Variants in TMEM132D observed in about 807,000 individuals in gnomAD.
The protein encoded by TMEM132D is mature OL transmembrane protein.
TMEM132D carries 21 observed loss-of-function variants against 62.3 expected under a neutral mutation model. The observed-to-expected ratio is 0.34, with a 90% confidence interval of 0.24 to 0.49. The LOEUF (loss-of-function observed/expected upper bound fraction) is 0.49. Ranked by LOEUF, TMEM132D falls within the 20% of genes least tolerant of loss-of-function variation. The pLI, the probability that TMEM132D is intolerant of heterozygous loss-of-function variation, is 0.99. For missense variants in TMEM132D, 1,346 were observed against 1,402.8 expected (o/e 0.96, Z 0.65); for synonymous variants, 621 against 575.6 (o/e 1.08, Z -1.13).
rs180826092 is a variant in TMEM132D, at chr12:129,235,930, C to T, written c.1300-26267G>A. ...GGGACTGCATTGAATCTGTAGATCACTTTGGGTAGTGTGGACATTTTAACA... is the reference window on the plus strand; with the variant it reads ...GGGACTGCATTGAATCTGTAGATCATTTTGGGTAGTGTGGACATTTTAACA... On this transcript the variant is annotated intron_variant, in intron 4 of 8. Coordinates refer to ENST00000422113, the MANE Select transcript of TMEM132D (RefSeq NM_133448.3). Among the ~76,000 whole-genome samples, 103 of 152,182 alleles carry T rather than the reference C, an allele frequency of 6.8e-4. 1 individual carries two copies. The highest frequency in any genetic ancestry group is 6.7e-3 in the Admixed American group (103 of 15,272).
In TMEM132D at chr12:129,702,568, C is replaced by T. The variant is rs560196021; in HGVS notation, c.80-1870G>A. Among the ~76,000 whole-genome samples the T allele has an allele frequency of 1.4e-4, 22 of 152,286 alleles. No individual in the cohort carries two copies. The South Asian group carries it at 4.4e-3, about 30-fold the overall frequency. ...TGGCTGCATTATCAAAGTCACCTTG[C>T]TGGGATCCTTTCCTTGACTGTATGA... On this transcript the variant is annotated intron_variant, in intron 1 of 8. Transcript: ENST00000422113.
chr12:129,088,347 G>GA (rs1196863272), intron 5 of TMEM132D, among the ~76,000 whole-genome samples: 2 of 48,064 alleles, frequency 4.2e-5, no homozygotes, highest in Non-Finnish European at 3.5e-5. Flanking sequence ...CTATGACCGG[G>GA]TGTCCTCCAT....
chr12:129,682,059 C>T (rs1000881921), intron 2 of TMEM132D, among the ~76,000 whole-genome samples: 1 of 152,210 alleles, frequency 6.6e-6, no homozygotes, highest in African/African-American at 2.4e-5. Flanking sequence ...AAGAAAATGC[C>T]TCCTAAGCAG....
chr12:129,706,867 C>T (rs1003047203), intron 1 of TMEM132D, among the ~76,000 whole-genome samples: 2 of 151,714 alleles, frequency 1.3e-5, no homozygotes, highest in African/African-American at 4.8e-5. Flanking sequence ...TCAAAATAAA[C>T]CTTTCCATTA....
intron 4 of TMEM132D, among the ~76,000 whole-genome samples, chr12:129,241,921 C>A (rs188740442): frequency 1.3e-5 from 2 of 152,228 alleles, no homozygotes; most frequent in Admixed American, 1.3e-4. Context: ...GAAAGGGAGA[C>A]AAAATGTATT....
intron 1 of TMEM132D, among the ~76,000 whole-genome samples, chr12:129,745,728 C>G (rs1278424132): frequency 2.0e-5 from 3 of 152,200 alleles, no homozygotes; most frequent in Non-Finnish European, 4.4e-5. Flanking sequence ...CTGGAGGTAA[C>G]TCTGGAACAG....
At chr12:129,667,540 G>A (rs544208705) in intron 2 of TMEM132D, among the ~76,000 whole-genome samples, 7 of 152,150 alleles carry the variant, frequency 4.6e-5, no homozygotes, top group East Asian at 3.9e-4. Context: ...AATGACTTAC[G>A]ATGACCAGGG....
intron 3 of TMEM132D, among the ~76,000 whole-genome samples, chr12:129,345,388 C>A (rs1248980834): frequency 6.6e-6 from 1 of 152,090 alleles, no homozygotes; most frequent in Non-Finnish European, 1.5e-5. Context: ...TCATGGGAAC[C>A]ACAGCATCGA....
intron 3 of TMEM132D, among the ~76,000 whole-genome samples, chr12:129,410,453 G>A (rs999566989): frequency 2.6e-5 from 4 of 152,116 alleles, no homozygotes; most frequent in African/African-American, 9.7e-5. Context: ...TTTGCCACCC[G>A]GGTTCAAGTG....
rs145565377 is a variant in TMEM132D at position 129,378,290 on chromosome 12, G to A, written c.1116-40473C>T. ...AGAGGCAGGCGAGGCCAGCCTTTGA[G>A]GCATCTTCCATGTCTAACGTGGATA... On this transcript the variant is annotated intron_variant, in intron 3 of 8. Coordinates refer to ENST00000422113, the MANE Select transcript of TMEM132D (RefSeq NM_133448.3). Among the ~76,000 whole-genome samples, 422 of 152,312 alleles carry A rather than the reference G, an allele frequency of 2.8e-3. 3 individuals are homozygous for A. Among genetic ancestry groups the A allele is most frequent in the African/African-American group, 9.6e-3 (400 of 41,576 alleles).
intron 3 of TMEM132D, among the ~76,000 whole-genome samples, chr12:129,450,481 C>T (rs1402194666): frequency 6.6e-6 from 1 of 152,088 alleles, no homozygotes; most frequent in Non-Finnish European, 1.5e-5. Flanking sequence ...TTCAATGATG[C>T]TTGGATTTCA....
intron 1 of TMEM132D, among the ~76,000 whole-genome samples, chr12:129,717,052 A>G (rs1868606240): frequency 2.0e-5 from 3 of 152,186 alleles, no homozygotes; most frequent in African/African-American, 7.2e-5. Context: ...TATCCAGGCC[A>G]GTGCAGTCTC....
chr12:129,595,564 G>T lies in TMEM132D; in HGVS notation c.969-64359C>A, dbSNP rs868342072. ...TTCTCCATCCCTTGTCTCTGACTTA[G>T]ACCCATGGGTCATGCTTTGGTCAAC... On this transcript the variant is annotated intron_variant, in intron 2 of 8. Coordinates refer to ENST00000422113, the MANE Select transcript of TMEM132D (RefSeq NM_133448.3). 1.4e-4 allele frequency among the ~76,000 whole-genome samples: 22 copies of T among 152,294 alleles called. 1 individual carries two copies. Among genetic ancestry groups the T allele is most frequent in the Middle Eastern group, 3.4e-3 (1 of 294 alleles).
intron 4 of TMEM132D, among the ~76,000 whole-genome samples, chr12:129,286,539 T>A (rs1191133234): frequency 6.6e-6 from 1 of 152,168 alleles, no homozygotes; most frequent in African/African-American, 2.4e-5. Flanking sequence ...GAAGTGATAA[T>A]GTTATGTGTT....
chr12:129,457,809 T>G (rs1419531390), intron 3 of TMEM132D, among the ~76,000 whole-genome samples: 1 of 152,122 alleles, frequency 6.6e-6, no homozygotes, highest in Non-Finnish European at 1.5e-5. Context: ...CTCACTATCA[T>G]GAGAACAGCA....
intron 1 of TMEM132D, among the ~76,000 whole-genome samples, chr12:129,735,766 G>T (rs763588104): frequency 1.3e-5 from 2 of 152,184 alleles, no homozygotes; most frequent in African/African-American, 4.8e-5. Context: ...ACAAGGGGTG[G>T]TTACTAGAAT....
intron 2 of TMEM132D, among the ~76,000 whole-genome samples, chr12:129,621,350 G>T (rs1022742591): frequency 2.0e-5 from 3 of 152,016 alleles, no homozygotes; most frequent in Admixed American, 2.0e-4. Context: ...CTCTCATGCT[G>T]CCACGATGCT....
intron 5 of TMEM132D, among the ~76,000 whole-genome samples, chr12:129,154,420 A>C (rs1877171586): frequency 6.6e-6 from 1 of 152,194 alleles, no homozygotes. Flanking sequence ...CTCAACAAAT[A>C]TGGACTGCTT....
At chr12:129,798,703 G>A (rs1391902317) in intron 1 of TMEM132D, among the ~76,000 whole-genome samples, 1 of 131,890 alleles carries the variant, frequency 7.6e-6, no homozygotes, top group South Asian at 2.5e-4. Context: ...GAAGAGAGAA[G>A]GGGTGGAGGG....
Sources: gnomAD v4.1 joint callset for allele counts (sites outside exome capture counted in the v4.1 genomes callset) on GRCh38, gnomAD v4.1.1 for gene constraint, MANE v1.5 for transcripts, NCBI Gene and HGNC (gene_info 2026-07-23, HGNC 2026-07-21) for gene names.